Variants in OARD1 observed in about 807,000 individuals in gnomAD.
The protein encoded by OARD1 is ADP-ribose glycohydrolase OARD1.
In OARD1, 19 loss-of-function variants were observed where a neutral mutation model predicts 19.7. The observed-to-expected ratio is 0.96, with a 90% CI of 0.67 to 1.41. OARD1 has a LOEUF of 1.41. Ranked by LOEUF, OARD1 falls within the 40% of genes most tolerant of loss-of-function variation. The pLI is 0.00. For missense variants in OARD1, 190 were observed against 183.8 expected, an observed-to-expected ratio of 1.03 and a Z score of -0.20; for synonymous variants, 70 against 61.8, an observed-to-expected ratio of 1.13 and a Z score of -0.62.
chr6:41,068,211 A>G (rs1763125221), intron 5 of OARD1, among the ~76,000 whole-genome samples: 1 of 152,192 alleles, frequency 6.6e-6, no homozygotes. Context: ...ATGTATGCTC[A>G]GCATTGACTC....
intron 1 of OARD1, among the ~76,000 whole-genome samples, chr6:41,094,939 G>T (rs1764306997): frequency 6.6e-6 from 1 of 152,078 alleles, no homozygotes; most frequent in Non-Finnish European, 1.5e-5. Flanking sequence ...TATTGAACAG[G>T]TTTTATTACC....
chr6:41,070,736 C>A, intron 3 of OARD1: 1 of 362,868 alleles, frequency 2.8e-6, no homozygotes, highest in Non-Finnish European at 5.0e-6. Flanking sequence ...GTGCACATTT[C>A]TGGTTTAAAG....
At chr6:41,094,592 T>A in intron 1 of OARD1, 1 of 855,858 alleles carries the variant, frequency 1.2e-6, no homozygotes. Flanking sequence ...TTTCCTACTC[T>A]GGGACTACTC....
chr6:41,095,149 C>T (rs911333422), intron 1 of OARD1, among the ~76,000 whole-genome samples: 2 of 152,208 alleles, frequency 1.3e-5, no homozygotes, highest in Non-Finnish European at 2.9e-5. Flanking sequence ...AGTCCCTGTT[C>T]TGCTCAAGCT....
At chr6:41,071,346 T>C (rs1363944088) in intron 2 of OARD1, 70 bp from the exon 3 acceptor site, 4 of 1,492,172 alleles carry the variant, frequency 2.7e-6, no homozygotes, top group Non-Finnish European at 3.7e-6. Context: ...TTTTTCTGTA[T>C]TTTGTGTCCC....
At chr6:41,095,702 A>G (rs1177658300) in intron 1 of OARD1, among the ~76,000 whole-genome samples, 1 of 152,216 alleles carries the variant, frequency 6.6e-6, no homozygotes, top group Non-Finnish European at 1.5e-5. Flanking sequence ...AAGTGCTAGG[A>G]TTACAGGCGC....
intron 1 of OARD1, among the ~76,000 whole-genome samples, chr6:41,087,960 T>C (rs1404012682): frequency 6.6e-6 from 1 of 152,216 alleles, no homozygotes; most frequent in Non-Finnish European, 1.5e-5. Flanking sequence ...TATCCAATCC[T>C]AGGACCAAAT....
chr6:41,094,338 A>G (rs1764289007), intron 1 of OARD1: 4 of 1,442,672 alleles, frequency 2.8e-6, no homozygotes, highest in South Asian at 1.2e-5. Flanking sequence ...TGTGCACTAG[A>G]TAACTGTGCT....
rs1390521168 is a variant in OARD1, at chr6:41,071,269, T to G, written c.47A>C (p.Tyr16Ser). ...GCATGCAAAAAGGTCTCCTTTCACA[T>G]AAGTGATCTAAAAAATGTGCAAAGG... is the stretch of plus-strand genomic sequence containing the variant. ...NEDPEGSRITYVKGDLFACPK... is the reference protein window; with the variant it reads ...NEDPEGSRITSVKGDLFACPK... The change falls in exon 3 of 6, where the codon TAT becomes TCT. Residue 16 changes from tyrosine (Y) to serine (S), a missense_variant. Transcript: ENST00000424266. The G allele has an allele frequency of 1.9e-6, 3 of 1,613,378 alleles. No homozygotes were observed. Among genetic ancestry groups the G allele is most frequent in the South Asian group, 2.2e-5 (2 of 90,932 alleles).
At chr6:41,071,461 T>C (rs1016564339) in intron 2 of OARD1, 135 bp downstream of exon 2, 38 of 1,009,068 alleles carry the variant, frequency 3.8e-5, no homozygotes, top group Non-Finnish European at 5.3e-5. Context: ...CCTAGAATTT[T>C]GAGCCTTTTT....
At chr6:41,094,327 T>C in intron 1 of OARD1, 2 of 1,314,312 alleles carry the variant, frequency 1.5e-6, no homozygotes, top group Non-Finnish European at 1.1e-6. Flanking sequence ...AGAATGGAAT[T>C]TGTGCACTAG....
chr6:41,092,590 TG>T (rs1764225595), intron 1 of OARD1, among the ~76,000 whole-genome samples: 1 of 152,206 alleles, frequency 6.6e-6, no homozygotes, highest in South Asian at 2.1e-4. Context: ...ATTTTTGTGC[TG>T]TTTTTTTGTC....
At chr6:41,077,272 G>A (rs1763761765), upstream of OARD1, among the ~76,000 whole-genome samples, 1 of 152,110 alleles carries the variant, frequency 6.6e-6, no homozygotes, top group African/African-American at 2.4e-5. Context: ...TTTTAAATGT[G>A]TATTTTGATG....
At chr6:41,074,876 C>CT (rs1418927307), upstream of OARD1, among the ~76,000 whole-genome samples, 1 of 152,108 alleles carries the variant, frequency 6.6e-6, no homozygotes, top group Non-Finnish European at 1.5e-5. Context: ...TCCTAGGACT[C>CT]TGAAAATTAT....
chr6:41,094,280 C>T, intron 1 of OARD1: 1 of 780,252 alleles, frequency 1.3e-6, no homozygotes, highest in South Asian at 1.7e-5. Flanking sequence ...TCATAATTGT[C>T]CCTTGTGACT....
chr6:41,084,226 C>G (rs1260066358), intron 1 of OARD1: 1 of 1,604,836 alleles, frequency 6.2e-7, no homozygotes, highest in Non-Finnish European at 8.5e-7. Flanking sequence ...AGCAGTATAT[C>G]AGAGGAGAGG....
intron 3 of OARD1, chr6:41,070,840 T>C (rs1468189430): frequency 1.7e-6 from 1 of 576,836 alleles, no homozygotes; most frequent in Non-Finnish European, 3.0e-6. Context: ...AAGTAAAGGA[T>C]CTTGAATGCC....
intron 1 of OARD1, among the ~76,000 whole-genome samples, chr6:41,082,287 T>G (rs545239718): frequency 1.3e-5 from 2 of 152,370 alleles, no homozygotes; most frequent in African/African-American, 4.8e-5. Context: ...AAAATTGTGT[T>G]CAAATCTCAC....
upstream of OARD1, among the ~76,000 whole-genome samples, chr6:41,072,770 T>C (rs1180533016): frequency 6.6e-6 from 1 of 152,184 alleles, no homozygotes; most frequent in Admixed American, 6.5e-5. Context: ...GTCTGGCGCG[T>C]CTGGAAAGCG....
Sources: allele counts gnomAD v4.1 joint callset (sites outside exome capture counted in the v4.1 genomes callset), GRCh38; gene constraint gnomAD v4.1.1; transcripts MANE v1.5; gene names NCBI Gene and HGNC (gene_info 2026-07-23, HGNC 2026-07-21).